The following ARHGAP28 variants were observed in gnomAD, a reference collection of about 807,000 sequenced individuals.
ARHGAP28 encodes the protein rho GTPase-activating protein 28.
A neutral mutation model predicts 90.7 loss-of-function variants in ARHGAP28; 56 were observed. The observed-to-expected ratio is 0.62, with a 90% CI of 0.50 to 0.77. The LOEUF (loss-of-function observed/expected upper bound fraction) is 0.77, where lower values mean the gene tolerates loss of function less well. ARHGAP28 is among the 30% of genes least tolerant of loss of function. The pLI is 0.00. For synonymous variants in ARHGAP28, 308 were observed against 323.3 expected (o/e 0.95, Z 0.51); for missense variants, 869 against 900.9 (o/e 0.96, Z 0.45).
At chr18:6,767,929 C>T (rs1223962696) in intron 1 of ARHGAP28, among the ~76,000 whole-genome samples, 2 of 152,158 alleles carry the variant, frequency 1.3e-5, no homozygotes, top group Admixed American at 6.5e-5. Context: ...CCTAGCACTC[C>T]AGTACCACAT....
At chr18:6,764,790 A>G (rs2056187633) in intron 1 of ARHGAP28, among the ~76,000 whole-genome samples, 1 of 152,216 alleles carries the variant, frequency 6.6e-6, no homozygotes, top group African/African-American at 2.4e-5. Flanking sequence ...GACTTTCTGC[A>G]TGTTATACTC....
intron 1 of ARHGAP28, among the ~76,000 whole-genome samples, chr18:6,787,121 G>A (rs1367922018): frequency 3.3e-5 from 5 of 151,358 alleles, no homozygotes; most frequent in African/African-American, 4.9e-5. Context: ...TGGGAAGGCT[G>A]AGGCAGGAGA....
At chr18:6,837,068 G>A in intron 2 of ARHGAP28, 129 bp from the exon 3 acceptor site, 1 of 692,092 alleles carries the variant, frequency 1.4e-6, no homozygotes, top group Non-Finnish European at 2.4e-6. Context: ...CATTCTTGTA[G>A]TTCTTTCCCA....
chr18:6,823,118 C>T (rs539301908), intron 1 of ARHGAP28, among the ~76,000 whole-genome samples: 2 of 152,192 alleles, frequency 1.3e-5, no homozygotes, highest in East Asian at 3.9e-4. Flanking sequence ...TCTTTTTGTC[C>T]AATTCCACCT....
chr18:6,743,596 A>G (rs2055997691), intron 1 of ARHGAP28, among the ~76,000 whole-genome samples: 2 of 152,258 alleles, frequency 1.3e-5, no homozygotes, highest in Admixed American at 1.3e-4. Context: ...GATAACATGC[A>G]TAGAAATAAG....
chr18:6,826,317 T>C (rs1188614324), intron 2 of ARHGAP28, among the ~76,000 whole-genome samples: 1 of 152,158 alleles, frequency 6.6e-6, no homozygotes, highest in Admixed American at 6.5e-5. Flanking sequence ...CATTTTTTAA[T>C]GGAGTTATTT....
intron 2 of ARHGAP28, among the ~76,000 whole-genome samples, chr18:6,832,152 T>C (rs1204630673): frequency 6.6e-6 from 1 of 152,048 alleles, no homozygotes; most frequent in Non-Finnish European, 1.5e-5. Context: ...TTGATATATC[T>C]TCATTATTAT....
chr18:6,755,172 T>G (rs528683964), intron 1 of ARHGAP28, among the ~76,000 whole-genome samples: 4 of 152,040 alleles, frequency 2.6e-5, no homozygotes, highest in African/African-American at 9.6e-5. Context: ...GACTCTGTCT[T>G]AAAGCAAAAA....
chr18:6,732,707 A>G (rs1459590954), intron 1 of ARHGAP28, among the ~76,000 whole-genome samples: 1 of 152,220 alleles, frequency 6.6e-6, no homozygotes. Flanking sequence ...GTGAGTAGCC[A>G]GTGAAATGTA....
At chr18:6,865,897 A>G (rs1198159886) in intron 5 of ARHGAP28, among the ~76,000 whole-genome samples, 1 of 152,182 alleles carries the variant, frequency 6.6e-6, no homozygotes, top group Non-Finnish European at 1.5e-5. Context: ...GGTGAGAAAC[A>G]CATGTGGTTG....
At chr18:6,892,236 C>T (rs2057271832) in intron 14 of ARHGAP28, among the ~76,000 whole-genome samples, 1 of 152,164 alleles carries the variant, frequency 6.6e-6, no homozygotes, top group South Asian at 2.1e-4. Context: ...GCAAGCTTCA[C>T]TTGCCAGGTT....
chr18:6,888,629 G>C (rs4797262), intron 12 of ARHGAP28, among the ~76,000 whole-genome samples: 84,937 of 151,990 alleles, frequency 0.56, 23,826 homozygotes, highest in East Asian at 0.63. Context: ...TTTGTCTACA[G>C]AGTGTTCTTT....
chr18:6,746,568 A>G (rs1382766013), intron 1 of ARHGAP28, among the ~76,000 whole-genome samples: 3 of 152,358 alleles, frequency 2.0e-5, no homozygotes, highest in South Asian at 2.1e-4. Flanking sequence ...TTAGTTTTCC[A>G]GAATACAGAA....
chr18:6,740,495 A>G (rs2055967208), intron 1 of ARHGAP28, among the ~76,000 whole-genome samples: 1 of 152,166 alleles, frequency 6.6e-6, no homozygotes, highest in East Asian at 1.9e-4. Flanking sequence ...TCCTAGGCCC[A>G]TCTTAGTCTG....
intron 1 of ARHGAP28, among the ~76,000 whole-genome samples, chr18:6,732,126 C>T (rs1008517948): frequency 6.6e-6 from 1 of 151,794 alleles, no homozygotes; most frequent in South Asian, 2.1e-4. Flanking sequence ...AGCCTTTTCC[C>T]AGTAAAATAG....
Position 6,851,247 on chromosome 18 carries a change from A to G in ARHGAP28, c.636+121A>G. On this transcript the variant is annotated intron_variant, in intron 4 of 17. Coordinates refer to ENST00000383472, the MANE Select transcript of ARHGAP28 (RefSeq NM_001366230.1). The stretch of plus-strand genomic sequence containing the variant: ...GATGGCTGGACAACCACAGATTTCA[A>G]CACACTTATCTACCTTAGGTGATTT... 3 of 838,042 alleles carry G rather than the reference A, an allele frequency of 3.6e-6. No homozygotes were observed. The South Asian group carries it at 5.0e-5, about 14-fold the overall frequency. The allele number at this position is 838,042 out of a possible 1,614,324, so 51.9% of individuals were successfully genotyped here.
intron 1 of ARHGAP28, among the ~76,000 whole-genome samples, chr18:6,755,861 T>C (rs545247550): frequency 4.9e-4 from 74 of 152,368 alleles, no homozygotes; most frequent in African/African-American, 1.7e-3. Context: ...TAAATCAATA[T>C]ATAGGTCTCA....
In ARHGAP28 at chr18:6,774,830, G is replaced by A. The variant is rs77612084; in HGVS notation, c.122+44887G>A. ...TACACCTATGGTGGGGACCATAGGT[G>A]GGGAAGGAGTTCTACAGGAAAGAGG... is the stretch of plus-strand genomic sequence containing the variant. On this transcript the variant is annotated intron_variant, in intron 1 of 17. Transcript: ENST00000383472. Among the ~76,000 whole-genome samples the A allele has an allele frequency of 5.8e-4, 88 of 152,306 alleles. 1 individual carries two copies. The East Asian group carries it at 0.016, about 28-fold the overall frequency.
In ARHGAP28 at chr18:6,832,110, A is replaced by G. The variant is rs1228886935; in HGVS notation, c.326-5087A>G. On this transcript the variant is annotated intron_variant, in intron 2 of 17. Transcript: ENST00000383472. ...TCTTTTTGAATATGTACAGTTCTTT[A>G]TAAGCATTGCTATCACTCCATCCCA... is the stretch of plus-strand genomic sequence containing the variant. 2.0e-5 allele frequency among the ~76,000 whole-genome samples: 3 copies of G among 152,012 alleles called. No homozygotes were observed. In the East Asian group the frequency reaches 5.8e-4, roughly 29 times the overall value.
Sources: gnomAD v4.1 joint callset for allele counts (sites outside exome capture counted in the v4.1 genomes callset) on GRCh38, gnomAD v4.1.1 for gene constraint, MANE v1.5 for transcripts, NCBI Gene and HGNC (gene_info 2026-07-23, HGNC 2026-07-21) for gene names.